CDH20: variants seen among roughly 807,000 people sequenced by gnomAD.
The protein encoded by CDH20 is cadherin 20.
CDH20 carries 29 observed loss-of-function variants against 74.2 expected under a neutral mutation model. The observed-to-expected ratio is 0.39, with a 90% CI of 0.29 to 0.53. The LOEUF (loss-of-function observed/expected upper bound fraction) is 0.53, where lower values mean the gene tolerates loss of function less well. Among genes scored for constraint, CDH20 ranks in the 20% least tolerant of loss-of-function variants. The pLI is 0.69. For synonymous variants in CDH20, 469 were observed against 405.4 expected (o/e 1.16, Z -1.88); for missense variants, 988 against 1,048.3 (o/e 0.94, Z 0.79).
At chr18:61,516,128 G>A (rs1211448237) in intron 6 of CDH20, among the ~76,000 whole-genome samples, 1 of 152,192 alleles carries the variant, frequency 6.6e-6, no homozygotes, top group African/African-American at 2.4e-5. Flanking sequence ...ATCAATTGGA[G>A]AAGCAACGCT....
Position 61,349,420 on chromosome 18 carries a change from G to A in CDH20, c.-153+15593G>A, listed in dbSNP as rs144521344. ...TTCCCAGGTTGAGATGTATGAATAT[G>A]AGACATCCAGGAAATAGGCTAATTT... is the stretch of plus-strand genomic sequence containing the variant. On this transcript the variant is annotated intron_variant, in intron 1 of 11. Coordinates refer to ENST00000262717, the MANE Select transcript of CDH20 (RefSeq NM_031891.4). Among the ~76,000 whole-genome samples the A allele has an allele frequency of 1.6e-3, 238 of 152,260 alleles. 1 individual carries two copies. The highest frequency in any genetic ancestry group is 5.4e-3 in the African/African-American group (223 of 41,542).
chr18:61,378,452 T>C (rs1599046047), intron 1 of CDH20, among the ~76,000 whole-genome samples: 1 of 152,306 alleles, frequency 6.6e-6, no homozygotes, highest in East Asian at 1.9e-4. Context: ...CTTTTTATTC[T>C]ATTCAGGCAT....
chr18:61,422,407 GA>G (rs1263678491), intron 1 of CDH20, among the ~76,000 whole-genome samples: 2 of 151,986 alleles, frequency 1.3e-5, no homozygotes, highest in African/African-American at 2.4e-5. Flanking sequence ...GTTTTACTGG[GA>G]AAAAATAATG....
At chr18:61,477,329 T>C (rs916913232) in intron 1 of CDH20, among the ~76,000 whole-genome samples, 1 of 152,224 alleles carries the variant, frequency 6.6e-6, no homozygotes, top group Non-Finnish European at 1.5e-5. Context: ...GATCTGTAGA[T>C]AATGGATACT....
At chr18:61,359,672 G>A (rs1910623730) in intron 1 of CDH20, among the ~76,000 whole-genome samples, 1 of 152,200 alleles carries the variant, frequency 6.6e-6, no homozygotes, top group African/African-American at 2.4e-5. Context: ...CATCCCTGGG[G>A]ATAATTTCTA....
At chr18:61,444,827 T>C (rs1244005795) in intron 1 of CDH20, among the ~76,000 whole-genome samples, 1 of 152,174 alleles carries the variant, frequency 6.6e-6, no homozygotes, top group Non-Finnish European at 1.5e-5. Flanking sequence ...TTGTTCTCCA[T>C]AATTTCAAAT....
intron 1 of CDH20, among the ~76,000 whole-genome samples, chr18:61,468,968 TC>T (rs1910063947): frequency 6.6e-6 from 1 of 152,090 alleles, no homozygotes; most frequent in African/African-American, 2.4e-5. Context: ...ACAAATCCCT[TC>T]ATAACCACTA....
chr18:61,528,888 A>G (rs906072248), intron 7 of CDH20, among the ~76,000 whole-genome samples: 1 of 152,242 alleles, frequency 6.6e-6, no homozygotes, highest in Admixed American at 6.5e-5. Context: ...TAGAAAGAGC[A>G]GACATAGAAA....
At chr18:61,456,783 T>C (rs565395334) in intron 1 of CDH20, among the ~76,000 whole-genome samples, 2 of 152,294 alleles carry the variant, frequency 1.3e-5, no homozygotes, top group Admixed American at 6.5e-5. Context: ...TTCTGAAAAC[T>C]GGGAAATCCA....
intron 1 of CDH20, among the ~76,000 whole-genome samples, chr18:61,476,780 T>C (rs1255442657): frequency 6.6e-6 from 1 of 152,234 alleles, no homozygotes; most frequent in African/African-American, 2.4e-5. Context: ...GGATTCACGA[T>C]GGCTTCACTT....
At chr18:61,417,399 A>G (rs959604342) in intron 1 of CDH20, among the ~76,000 whole-genome samples, 5 of 152,090 alleles carry the variant, frequency 3.3e-5, no homozygotes, top group African/African-American at 9.7e-5. Context: ...GTGTCCATCA[A>G]TGAATGAATG....
intron 1 of CDH20, among the ~76,000 whole-genome samples, chr18:61,366,055 T>C (rs998848976): frequency 2.0e-5 from 3 of 152,216 alleles, no homozygotes; most frequent in Non-Finnish European, 4.4e-5. Flanking sequence ...CATTATCTAA[T>C]TTGATTTTCA....
chr18:61,389,676 A>T (rs917585181), intron 1 of CDH20, among the ~76,000 whole-genome samples: 1 of 152,240 alleles, frequency 6.6e-6, no homozygotes, highest in African/African-American at 2.4e-5. Context: ...ATGAATAATT[A>T]GTATAGTAGT....
chr18:61,417,578 TAAAAAAAAAAA>T (rs545256689), intron 1 of CDH20, among the ~76,000 whole-genome samples: 3 of 62,364 alleles, frequency 4.8e-5, no homozygotes, highest in South Asian at 6.3e-4. Flanking sequence ...ATGTGGGAGC[TAAAAAAAAAAA>T]AAAAAAAAAA....
intron 5 of CDH20, among the ~76,000 whole-genome samples, chr18:61,505,428 C>T (rs1599132585): frequency 6.6e-6 from 1 of 151,598 alleles, no homozygotes; most frequent in Non-Finnish European, 1.5e-5. Flanking sequence ...GCCTCAACCC[C>T]CAGGCTCAAG....
At chr18:61,354,339 G>T (rs1354126489) in intron 1 of CDH20, among the ~76,000 whole-genome samples, 1 of 152,196 alleles carries the variant, frequency 6.6e-6, no homozygotes, top group East Asian at 1.9e-4. Context: ...CCGGTGTGGT[G>T]GCTCACGCCT....
At chr18:61,396,336 A>T (rs1355104156) in intron 1 of CDH20, among the ~76,000 whole-genome samples, 1 of 152,232 alleles carries the variant, frequency 6.6e-6, no homozygotes. Flanking sequence ...TCTTTTGGAA[A>T]TCAATAATTT....
intron 6 of CDH20, among the ~76,000 whole-genome samples, chr18:61,517,651 A>C (rs1183435608): frequency 6.6e-6 from 1 of 152,084 alleles, no homozygotes; most frequent in African/African-American, 2.4e-5. Context: ...CAAGCATAAA[A>C]CTGGGCAGCT....
chr18:61,366,929 A>G (rs1910881389), intron 1 of CDH20, among the ~76,000 whole-genome samples: 3 of 152,204 alleles, frequency 2.0e-5, no homozygotes, highest in Admixed American at 2.0e-4. Flanking sequence ...ATGAGAATAT[A>G]CGATGAATAT....
Sources: gnomAD v4.1 joint callset for allele counts (sites outside exome capture counted in the v4.1 genomes callset) on GRCh38, gnomAD v4.1.1 for gene constraint, MANE v1.5 for transcripts, NCBI Gene and HGNC (gene_info 2026-07-23, HGNC 2026-07-21) for gene names.